The following STPG4 variants were observed in gnomAD, a reference collection of about 807,000 sequenced individuals.
The protein encoded by STPG4 is protein STPG4.
Under a neutral mutation model 31.5 loss-of-function variants are expected in STPG4, and 41 were observed. That is an observed-to-expected ratio of 1.30 (90% CI 1.01 to 1.69). The LOEUF (loss-of-function observed/expected upper bound fraction) is 1.69. Ranked by LOEUF, STPG4 falls within the 40% of genes most tolerant of loss-of-function variation. The pLI is 0.00. For missense variants in STPG4, 375 were observed against 293.4 expected (o/e 1.28, Z -2.03); for synonymous variants, 141 against 103.0 (o/e 1.37, Z -2.24).
At chr2:47,140,498 T>C (rs1032785205) in intron 3 of STPG4, among the ~76,000 whole-genome samples, 1 of 152,178 alleles carries the variant, frequency 6.6e-6, no homozygotes, top group African/African-American at 2.4e-5. Flanking sequence ...TCAGTTGTAG[T>C]TCAGGTGTTC....
At chr2:47,118,775 A>C (rs1686204317) in intron 5 of STPG4, among the ~76,000 whole-genome samples, 1 of 152,238 alleles carries the variant, frequency 6.6e-6, no homozygotes, top group Non-Finnish European at 1.5e-5. Context: ...TGAGGATTAC[A>C]TGAGACAGTC....
chr2:47,130,408 T>G (rs1339282882), intron 3 of STPG4, 148 bp from the exon 4 acceptor site: 2 of 669,716 alleles, frequency 3.0e-6, no homozygotes, highest in Non-Finnish European at 5.1e-6. Context: ...AATGTACATT[T>G]CCAAAGGTGG....
Position 47,130,188 on chromosome 2 carries a change from A to G in STPG4, c.464+8T>C, listed in dbSNP as rs374274436. Reference sequence around the variant, plus strand: ...GAAAGGCAGCTTATTTAATAAGTATATAATTACCTGGAAGCATATTTGGGA... The same window carrying G: ...GAAAGGCAGCTTATTTAATAAGTATGTAATTACCTGGAAGCATATTTGGGA... On this transcript the variant is annotated splice_region_variant and intron_variant, in intron 4 of 6. Coordinates refer to ENST00000445927, the MANE Select transcript of STPG4 (RefSeq NM_001163561.2). 2.5e-6 allele frequency: 4 copies of G among 1,610,988 alleles called. No individual in the cohort carries two copies. The highest frequency in any genetic ancestry group is 3.4e-6 in the Non-Finnish European group (4 of 1,177,244).
At position 47,119,818 on chromosome 2, in the gene STPG4, T is replaced by C. The variant is rs563670533; in HGVS notation, c.519+10123A>G. Among the ~76,000 whole-genome samples, 33 of 152,306 alleles carry C rather than the reference T, an allele frequency of 2.2e-4. No individual in the cohort carries two copies. In the East Asian group the frequency reaches 6.4e-3, roughly 29 times the overall value. On this transcript the variant is annotated intron_variant, in intron 5 of 6. Transcript: ENST00000445927. Reference sequence around the variant, plus strand: ...GGCCAGACAGCTAATGTTTAAGTCCTGACCTCCGCAGTGGCTTGCAGGTAA... The same window carrying C: ...GGCCAGACAGCTAATGTTTAAGTCCCGACCTCCGCAGTGGCTTGCAGGTAA...
chr2:47,116,572 G>C (rs776602841), intron 5 of STPG4, among the ~76,000 whole-genome samples: 4 of 152,170 alleles, frequency 2.6e-5, no homozygotes, highest in Non-Finnish European at 5.9e-5. Context: ...TCCATGCACT[G>C]AAAGAACAGT....
chr2:47,101,768 G>T (rs1018440060), intron 5 of STPG4, among the ~76,000 whole-genome samples: 4 of 151,794 alleles, frequency 2.6e-5, no homozygotes, highest in Non-Finnish European at 4.4e-5. Context: ...CTCAGAAATT[G>T]TATCCTTCCT....
chr2:47,093,724 C>G (rs6750136), intron 5 of STPG4, among the ~76,000 whole-genome samples: 2 of 152,156 alleles, frequency 1.3e-5, no homozygotes, highest in Admixed American at 1.3e-4. Flanking sequence ...ATCTGAATCA[C>G]AGGGACTAAG....
chr2:47,122,821 G>GTTTGTTTTGT (rs1686299259), intron 5 of STPG4, among the ~76,000 whole-genome samples: 2 of 150,034 alleles, frequency 1.3e-5, no homozygotes. Context: ...TTGTCTGTTT[G>GTTTGTTTTGT]TTTTGTTTTT....
At chr2:47,110,695 G>C (rs77983844) in intron 5 of STPG4, among the ~76,000 whole-genome samples, 2,729 of 152,258 alleles carry the variant, frequency 0.018, 91 homozygotes, top group African/African-American at 0.061. Context: ...GCCATTAAAA[G>C]AATTTTAATG....
chr2:47,110,681 C>T (rs1337955839), intron 5 of STPG4, among the ~76,000 whole-genome samples: 1 of 152,182 alleles, frequency 6.6e-6, no homozygotes, highest in African/African-American at 2.4e-5. Context: ...TGTGTCTCAG[C>T]ATAGCCATTA....
At chr2:47,130,561 G>C (rs1686457342) in intron 3 of STPG4, among the ~76,000 whole-genome samples, 1 of 152,152 alleles carries the variant, frequency 6.6e-6, no homozygotes, top group Non-Finnish European at 1.5e-5. Context: ...TGTCGCCCAG[G>C]CTGGAGTGCA....
intron 5 of STPG4, among the ~76,000 whole-genome samples, chr2:47,125,213 G>A (rs1038478644): frequency 1.3e-5 from 2 of 152,108 alleles, no homozygotes; most frequent in African/African-American, 4.8e-5. Context: ...TTGAGCTCAG[G>A]AGTTCAAGAC....
At chr2:47,126,285 C>T (rs182731689) in intron 5 of STPG4, among the ~76,000 whole-genome samples, 72 of 151,698 alleles carry the variant, frequency 4.7e-4, no homozygotes, top group African/African-American at 1.5e-3. Context: ...TTCTCCTCTT[C>T]CTCCTCTTCC....
At chr2:47,108,762 A>T (rs1685976591) in intron 5 of STPG4, 2 of 152,474 alleles carry the variant, frequency 1.3e-5, no homozygotes, top group South Asian at 4.1e-4. Flanking sequence ...GCACATAGAG[A>T]TGGGTAGGGG....
At chr2:47,102,959 G>C (rs1685831092) in intron 5 of STPG4, among the ~76,000 whole-genome samples, 1 of 151,922 alleles carries the variant, frequency 6.6e-6, no homozygotes, top group Non-Finnish European at 1.5e-5. Flanking sequence ...GCTACTGTTA[G>C]ATCAAACCCT....
At position 47,111,719 on chromosome 2, in the gene STPG4, G is replaced by A. The variant is rs140293283; in HGVS notation, c.519+18222C>T. Reference sequence around the variant, plus strand: ...CTTATGGTAGAATATGTCCTCTGGCGTCTACCCCAAAAGGCACATGTAGAT... The same window carrying A: ...CTTATGGTAGAATATGTCCTCTGGCATCTACCCCAAAAGGCACATGTAGAT... On this transcript the variant is annotated intron_variant, in intron 5 of 6. Transcript: ENST00000445927. Among the ~76,000 whole-genome samples the A allele has an allele frequency of 4.4e-3, 667 of 152,120 alleles. 6 individuals are homozygous for A. The highest frequency in any genetic ancestry group is 7.7e-3 in the Non-Finnish European group (525 of 67,988).
chr2:47,129,726 G>T (rs141043494), intron 5 of STPG4: 1 of 525,298 alleles, frequency 1.9e-6, no homozygotes, highest in Non-Finnish European at 3.3e-6. Flanking sequence ...CTCTTTCCTT[G>T]ATACAATGTT....
chr2:47,101,332 A>C (rs2103740068), intron 5 of STPG4, among the ~76,000 whole-genome samples: 1 of 151,856 alleles, frequency 6.6e-6, no homozygotes, highest in South Asian at 2.1e-4. Flanking sequence ...GAGGGTTGAC[A>C]GAGAGGAAAG....
intron 5 of STPG4, among the ~76,000 whole-genome samples, chr2:47,126,474 A>T (rs1255690820): frequency 6.6e-6 from 1 of 152,074 alleles, no homozygotes; most frequent in African/African-American, 2.4e-5. Flanking sequence ...CCACAGGTGC[A>T]TGCCATCATG....
Sources: allele counts gnomAD v4.1 joint callset (sites outside exome capture counted in the v4.1 genomes callset), GRCh38; gene constraint gnomAD v4.1.1; transcripts MANE v1.5; gene names NCBI Gene and HGNC (gene_info 2026-07-23, HGNC 2026-07-21).